DLG2: variants seen among roughly 807,000 people sequenced by gnomAD.
DLG2 encodes the protein disks large homolog 2.
In DLG2, 45 loss-of-function variants were observed where a neutral mutation model predicts 132.5. The ratio of observed to expected loss-of-function variants is 0.34; its 90% confidence interval spans 0.27 to 0.44. The LOEUF (loss-of-function observed/expected upper bound fraction) is 0.44. DLG2 is among the 20% of genes least tolerant of loss of function. DLG2 has a pLI of 1.00. For missense variants in DLG2, 1,045 were observed against 1,196.9 expected (o/e 0.87, Z 1.87); for synonymous variants, 424 against 419.6 (o/e 1.01, Z -0.13).
At chr11:84,463,986 T>C (rs2099087303) in intron 7 of DLG2, among the ~76,000 whole-genome samples, 1 of 151,306 alleles carries the variant, frequency 6.6e-6, no homozygotes, top group Non-Finnish European at 1.5e-5. Flanking sequence ...GAATTAGCAA[T>C]TATGTATACA....
chr11:83,946,301 A>G (rs2083949428), intron 14 of DLG2, among the ~76,000 whole-genome samples: 1 of 152,136 alleles, frequency 6.6e-6, no homozygotes, highest in Non-Finnish European at 1.5e-5. Context: ...TTCTGGTAAT[A>G]TGATTTTCTG....
At chr11:83,762,833 G>A (rs150585423) in intron 18 of DLG2, among the ~76,000 whole-genome samples, 1,662 of 152,160 alleles carry the variant, frequency 0.011, 30 homozygotes, top group African/African-American at 0.038. Flanking sequence ...TGCCTGCCTC[G>A]GCCCTCCAAA....
chr11:84,036,814 G>A (rs1402858194), intron 11 of DLG2, among the ~76,000 whole-genome samples: 1 of 152,112 alleles, frequency 6.6e-6, no homozygotes, highest in Admixed American at 6.6e-5. Context: ...TTCTGTGAAT[G>A]AATACAGACT....
At chr11:84,266,694 A>G (rs941941549) in intron 7 of DLG2, among the ~76,000 whole-genome samples, 1 of 152,218 alleles carries the variant, frequency 6.6e-6, no homozygotes, top group Non-Finnish European at 1.5e-5. Context: ...GCTGACCTCA[A>G]CATATGATGG....
At chr11:83,615,868 T>C (rs1315413502) in intron 19 of DLG2, among the ~76,000 whole-genome samples, 1 of 152,226 alleles carries the variant, frequency 6.6e-6, no homozygotes, top group African/African-American at 2.4e-5. Context: ...AGCCTGCTGA[T>C]ACCTTGACTT....
intron 6 of DLG2, among the ~76,000 whole-genome samples, chr11:84,704,891 T>A (rs1270680922): frequency 1.3e-5 from 2 of 149,250 alleles, no homozygotes; most frequent in Non-Finnish European, 3.0e-5. Context: ...ATACACATTA[T>A]GTATATATAC....
chr11:84,804,086 G>T (rs563830645), intron 6 of DLG2, among the ~76,000 whole-genome samples: 3 of 152,282 alleles, frequency 2.0e-5, no homozygotes, highest in African/African-American at 7.2e-5. Context: ...TATTAAGAAT[G>T]ATGGATACAG....
chr11:84,030,765 G>A (rs2154090743), intron 11 of DLG2, among the ~76,000 whole-genome samples: 1 of 152,256 alleles, frequency 6.6e-6, no homozygotes, highest in Middle Eastern at 3.4e-3. Context: ...ACAGAAGGAA[G>A]ATTGGGAGCT....
At chr11:83,755,827 C>G (rs2093622573) in intron 18 of DLG2, among the ~76,000 whole-genome samples, 2 of 151,314 alleles carry the variant, frequency 1.3e-5, no homozygotes, top group Non-Finnish European at 2.9e-5. Flanking sequence ...ATACAGATAT[C>G]TTGAAATTTG....
At chr11:83,659,979 C>A (rs1348487319) in intron 18 of DLG2, among the ~76,000 whole-genome samples, 1 of 152,176 alleles carries the variant, frequency 6.6e-6, no homozygotes, top group Non-Finnish European at 1.5e-5. Context: ...CTGTCCCAGA[C>A]TGGAATATCT....
intron 7 of DLG2, among the ~76,000 whole-genome samples, chr11:84,478,938 A>T (rs1290367221): frequency 6.6e-6 from 1 of 152,096 alleles, no homozygotes; most frequent in Non-Finnish European, 1.5e-5. Context: ...TGCCACATAA[A>T]TGAAGAGTTT....
intron 10 of DLG2, among the ~76,000 whole-genome samples, chr11:84,087,507 A>C (rs73513786): frequency 0.02 from 2,987 of 152,306 alleles, 77 homozygotes; most frequent in African/African-American, 0.061. Context: ...CCTCACCTCA[A>C]GAAATTTATG....
intron 11 of DLG2, among the ~76,000 whole-genome samples, chr11:83,982,818 C>T (rs186057170): frequency 2.6e-5 from 4 of 152,046 alleles, no homozygotes; most frequent in East Asian, 1.9e-4. Context: ...ACAGATGTAC[C>T]GTTGTTTATC....
chr11:84,422,268 C>T (rs767745921), intron 7 of DLG2, among the ~76,000 whole-genome samples: 1 of 152,162 alleles, frequency 6.6e-6, no homozygotes, highest in Non-Finnish European at 1.5e-5. Flanking sequence ...TCGTGATTTA[C>T]CTCTAGTATC....
intron 6 of DLG2, among the ~76,000 whole-genome samples, chr11:84,822,073 C>T (rs1281541733): frequency 6.6e-6 from 1 of 150,644 alleles, no homozygotes; most frequent in Admixed American, 6.6e-5. Flanking sequence ...GAGAGAAAGC[C>T]ATTTTGGTAA....
intron 6 of DLG2, among the ~76,000 whole-genome samples, chr11:84,877,782 C>T (rs993857015): frequency 1.2e-4 from 18 of 152,008 alleles, no homozygotes; most frequent in Non-Finnish European, 1.8e-4. Context: ...AACAGGCAAC[C>T]TACAGAATGG....
At chr11:83,671,147 A>G (rs981482295) in intron 18 of DLG2, among the ~76,000 whole-genome samples, 1 of 152,198 alleles carries the variant, frequency 6.6e-6, no homozygotes, top group Non-Finnish European at 1.5e-5. Context: ...GTACAATGCT[A>G]TCTTATCCTA....
At chr11:85,138,166 T>A (rs528480481) in intron 5 of DLG2, among the ~76,000 whole-genome samples, 1 of 152,304 alleles carries the variant, frequency 6.6e-6, no homozygotes, top group East Asian at 1.9e-4. Context: ...ATGTCAGTTT[T>A]TCTCATGTGA....
chr11:85,545,457 GT>G (rs1363235492), intron 3 of DLG2, among the ~76,000 whole-genome samples: 1 of 152,036 alleles, frequency 6.6e-6, no homozygotes, highest in Non-Finnish European at 1.5e-5. Context: ...TTCTTTTTTT[GT>G]TGTGTCTCTG....
Sources: gnomAD v4.1 joint callset for allele counts (sites outside exome capture counted in the v4.1 genomes callset) on GRCh38, gnomAD v4.1.1 for gene constraint, MANE v1.5 for transcripts, NCBI Gene and HGNC (gene_info 2026-07-23, HGNC 2026-07-21) for gene names.